JPH2: variants seen among roughly 807,000 people sequenced by gnomAD.
JPH2 encodes junctophilin-2.
Under a neutral mutation model 55.9 loss-of-function variants are expected in JPH2, and 38 were observed. That is an observed-to-expected ratio of 0.68 (90% confidence interval 0.52 to 0.89). The LOEUF is 0.89. JPH2 is among the 40% of genes least tolerant of loss of function. The pLI, the probability that JPH2 is intolerant of heterozygous loss-of-function variation, is 0.00. For missense variants in JPH2, 964 were observed against 1,037.6 expected, an observed-to-expected ratio of 0.93 and a Z score of 0.97; for synonymous variants, 480 against 472.4, an observed-to-expected ratio of 1.02 and a Z score of -0.21.
chr20:44,165,633 A>C (rs1231194286), intron 1 of JPH2, among the ~76,000 whole-genome samples: 2 of 152,130 alleles, frequency 1.3e-5, no homozygotes, highest in East Asian at 3.8e-4. Context: ...ACCTGACCTC[A>C]TCCCCATTCA....
At chr20:44,162,813 C>CACACACACACACAT (rs1555859096) in intron 1 of JPH2, among the ~76,000 whole-genome samples, 55 of 113,558 alleles carry the variant, frequency 4.8e-4, no homozygotes, top group South Asian at 1.1e-3. Flanking sequence ...CACACACACA[C>CACACACACACACAT]ACACACACAC....
chr20:44,182,545 C>T (rs528637016), intron 1 of JPH2, among the ~76,000 whole-genome samples: 4 of 152,314 alleles, frequency 2.6e-5, no homozygotes, highest in African/African-American at 9.6e-5. Context: ...GTCTGCACCC[C>T]TCGCTCACTC....
At chr20:44,156,043 A>T (rs566606217) in intron 2 of JPH2, among the ~76,000 whole-genome samples, 39 of 152,090 alleles carry the variant, frequency 2.6e-4, no homozygotes, top group African/African-American at 8.7e-4. Flanking sequence ...CTCAAAAAAA[A>T]AAAAAACTGT....
chr20:44,115,981 C>T lies in JPH2; in HGVS notation c.1694G>A (p.Gly565Asp). The change falls in exon 4 of 6, where the codon GGC becomes GAC. Residue 565 changes from glycine (G) to aspartate (D), a missense_variant. By Grantham distance (94) the Gly-to-Asp change is moderately conservative. Coordinates refer to ENST00000372980, the MANE Select transcript of JPH2 (RefSeq NM_020433.5). ...SREPEVALYQGYHSYAVRTTP... is the reference protein window; with the variant it reads ...SREPEVALYQDYHSYAVRTTP... ...GGTGCGCACAGCATAGCTGTGGTAG[C>T]CCTGGTAAAGCGCCACCTCCGGCTC... 1.3e-6 allele frequency: 2 copies of T among 1,578,048 alleles called. No individual in the cohort carries two copies.
intron 2 of JPH2, among the ~76,000 whole-genome samples, chr20:44,140,497 T>G (rs2072447988): frequency 6.6e-6 from 1 of 152,160 alleles, no homozygotes; most frequent in African/African-American, 2.4e-5. Flanking sequence ...AGCACCCCCT[T>G]GCCAGACAGG....
chr20:44,178,035 TAA>T, intron 1 of JPH2: 1 of 801,942 alleles, frequency 1.2e-6, no homozygotes, highest in Non-Finnish European at 2.3e-6. Flanking sequence ...TTCATATGGT[TAA>T]GAACCGGCAC....
Position 44,114,801 on chromosome 20 carries a change from T to G in JPH2, c.2086A>C (p.Thr696Pro). 1 of 1,603,666 alleles carries G rather than the reference T, an allele frequency of 6.2e-7. No individual in the cohort carries two copies. Among genetic ancestry groups the G allele is most frequent in the Non-Finnish European group, 8.5e-7 (1 of 1,175,910 alleles). The part of the protein sequence containing the change: ...GLAILFVHLL[T>P] Reference sequence around the variant, plus strand: ...CTGCACCTGGTAAGCGACGGTCAGGTCAGGAGGTGAACAAAGAGGATGGCC... The same window carrying G: ...CTGCACCTGGTAAGCGACGGTCAGGGCAGGAGGTGAACAAAGAGGATGGCC... Residue 696 changes from threonine to proline, a missense_variant, in exon 5 of 6, where the codon ACC (threonine) becomes CCC (proline). Coordinates refer to ENST00000372980, the MANE Select transcript of JPH2 (RefSeq NM_020433.5).
intron 2 of JPH2, among the ~76,000 whole-genome samples, chr20:44,126,299 A>G (rs1320276221): frequency 2.6e-5 from 4 of 152,108 alleles, no homozygotes; most frequent in Admixed American, 2.6e-4. Context: ...TAGTATAATA[A>G]TAATTTTAAA....
intron 2 of JPH2, among the ~76,000 whole-genome samples, chr20:44,155,834 G>A (rs2072561855): frequency 6.6e-6 from 1 of 152,118 alleles, no homozygotes; most frequent in Admixed American, 6.5e-5. Context: ...CCAGGAGTTC[G>A]AGAATAGTCT....
At chr20:44,133,919 AATAT>A (rs2072345329) in intron 2 of JPH2, among the ~76,000 whole-genome samples, 1 of 27,368 alleles carries the variant, frequency 3.7e-5, no homozygotes, top group Non-Finnish European at 6.0e-5. Context: ...TATACATTAT[AATAT>A]ATAAATATAT....
chr20:44,116,013 C>A lies in JPH2; in HGVS notation c.1662G>T (p.Pro554=), dbSNP rs748323930. The change falls in exon 4 of 6, where the codon CCG becomes CCT. Residue 554 remains proline (P), a synonymous_variant. Coordinates refer to ENST00000372980, the MANE Select transcript of JPH2 (RefSeq NM_020433.5). The part of the protein sequence containing the change: ...AIEALQAPPA[P]SREPEVALYQ... Reference sequence around the variant, plus strand: ...AAAGCGCCACCTCCGGCTCCCGCGACGGCGCAGGCGGTGCCTGCAGAGCCT... The same window carrying A: ...AAAGCGCCACCTCCGGCTCCCGCGAAGGCGCAGGCGGTGCCTGCAGAGCCT... 1.3e-6 allele frequency: 2 copies of A among 1,580,970 alleles called. No homozygotes were observed. Among genetic ancestry groups the A allele is most frequent in the South Asian group, 2.3e-5 (2 of 88,810 alleles).
Position 44,160,495 on chromosome 20 carries a change from G to A in JPH2, c.380-88C>T, listed in dbSNP as rs2072603086. Reference sequence around the variant, plus strand: ...CCTGGGAGGGCAAGGGCGGGAGTGGGCAAGGCGGGGTGGGACCGAGAGGCG... The same window carrying A: ...CCTGGGAGGGCAAGGGCGGGAGTGGACAAGGCGGGGTGGGACCGAGAGGCG... On this transcript the variant is annotated intron_variant, in intron 1 of 5. Coordinates refer to ENST00000372980, the MANE Select transcript of JPH2 (RefSeq NM_020433.5). The surrounding 1 kb of genome is among the most constrained non-coding windows in gnomAD (Gnocchi z 4.9). The A allele has an allele frequency of 6.1e-5, 87 of 1,415,474 alleles. 3 individuals carry two copies. The South Asian group carries it at 9.7e-4, about 16-fold the overall frequency. The allele number at this position is 1,415,474 out of a possible 1,614,324, so 87.7% of individuals were successfully genotyped here. A position where few individuals can be genotyped will look rare whatever the true frequency, so the allele number is the denominator to read the frequency against.
intron 2 of JPH2, among the ~76,000 whole-genome samples, chr20:44,143,263 G>A (rs1280937019): frequency 1.3e-5 from 2 of 152,092 alleles, no homozygotes; most frequent in African/African-American, 2.4e-5. Context: ...GAAGGAATCT[G>A]GAATTTCTCC....
intron 2 of JPH2, among the ~76,000 whole-genome samples, chr20:44,133,827 T>C (rs1424355739): frequency 7.5e-6 from 1 of 134,148 alleles, no homozygotes. Flanking sequence ...TATAAATAAA[T>C]ATATACTTAT....
rs2072129619 is a variant in JPH2 at position 44,109,844 on chromosome 20, T to C, written c.*3674A>G. ...GTCCATCAGATTATGAAACTTCCCT[T>C]CTTGCCCGAATCCCAAATCTGACTC... is the stretch of plus-strand genomic sequence containing the variant. On this transcript the variant is annotated 3_prime_UTR_variant, in exon 6 of 6. Transcript: ENST00000372980. Among the ~76,000 whole-genome samples, 1 of 152,116 alleles carries C rather than the reference T, an allele frequency of 6.6e-6. No individual in the cohort carries two copies. The highest frequency in any genetic ancestry group is 2.1e-4 in the South Asian group (1 of 4,818).
intron 2 of JPH2, among the ~76,000 whole-genome samples, chr20:44,133,761 C>T (rs1209041791): frequency 6.7e-6 from 1 of 148,772 alleles, no homozygotes; most frequent in African/African-American, 2.5e-5. Flanking sequence ...CCATCTGATG[C>T]TCTCCAATGC....
chr20:44,133,956 TAA>T (rs1172817578), intron 2 of JPH2, among the ~76,000 whole-genome samples: 2 of 58,750 alleles, frequency 3.4e-5, no homozygotes, highest in South Asian at 6.1e-4. Flanking sequence ...TATATATAAA[TAA>T]ATATATATTA....
At chr20:44,157,162 C>T (rs2072571682) in intron 2 of JPH2, among the ~76,000 whole-genome samples, 1 of 152,158 alleles carries the variant, frequency 6.6e-6, no homozygotes, top group South Asian at 2.1e-4. Flanking sequence ...ATGGGCTACC[C>T]AGATTCCCCT....
intron 2 of JPH2, among the ~76,000 whole-genome samples, chr20:44,149,630 C>G (rs575226756): frequency 6.6e-6 from 1 of 152,192 alleles, no homozygotes; most frequent in African/African-American, 2.4e-5. Context: ...CTCTTCCCCC[C>G]AACCCCTGCT....
Sources: allele counts gnomAD v4.1 joint callset (sites outside exome capture counted in the v4.1 genomes callset), GRCh38; gene constraint gnomAD v4.1.1; non-coding constraint Gnocchi (gnomAD v3.1); transcripts MANE v1.5; gene names NCBI Gene and HGNC (gene_info 2026-07-23, HGNC 2026-07-21).